The following BABAM2 variants were observed in gnomAD, a reference collection of about 807,000 sequenced individuals.
BABAM2 encodes BRISC and BRCA1 A complex member 2.
In BABAM2, 31 loss-of-function variants were observed where a neutral mutation model predicts 54.7. The ratio of observed to expected loss-of-function variants is 0.57; its 90% confidence interval spans 0.43 to 0.77. The LOEUF (loss-of-function observed/expected upper bound fraction) is 0.77. Ranked by LOEUF, BABAM2 falls within the 30% of genes least tolerant of loss-of-function variation. The probability of loss-of-function intolerance (pLI) is 0.00; values close to 1 mark genes in which losing one functional copy is unlikely to be tolerated. For synonymous variants in BABAM2, 167 were observed against 162.9 expected (o/e 1.03, Z -0.19); for missense variants, 364 against 455.8 (o/e 0.80, Z 1.83).
At chr2:27,908,886 C>T (rs1297147437) in intron 2 of BABAM2, among the ~76,000 whole-genome samples, 2 of 152,112 alleles carry the variant, frequency 1.3e-5, no homozygotes, top group Non-Finnish European at 2.9e-5. Flanking sequence ...TTCTCCACAT[C>T]CTCCTCAACA....
chr2:27,988,763 T>G (rs907827251), intron 4 of BABAM2, among the ~76,000 whole-genome samples: 4 of 152,216 alleles, frequency 2.6e-5, no homozygotes, highest in Non-Finnish European at 5.9e-5. Context: ...ACACATGCCA[T>G]TTTGTTTAAA....
In BABAM2 at chr2:28,033,728, A is replaced by C. The variant is rs143719549; in HGVS notation, c.495+8308A>C. Among the ~76,000 whole-genome samples, 939 of 152,200 alleles carry C rather than the reference A, an allele frequency of 6.2e-3. 6 individuals carry two copies. Among genetic ancestry groups the C allele is most frequent in the Non-Finnish European group, 9.4e-3 (636 of 67,982 alleles). ...ACAAAGCACAATAAGCAAATTTGTG[A>C]ATTTTATTTTGATTTGTTTTGATTT... On this transcript the variant is annotated intron_variant, in intron 5 of 11. Transcript: ENST00000379624.
At chr2:28,318,813 G>A (rs977793786) in intron 11 of BABAM2, among the ~76,000 whole-genome samples, 2 of 152,232 alleles carry the variant, frequency 1.3e-5, no homozygotes, top group African/African-American at 2.4e-5. Flanking sequence ...CAGTGGCATG[G>A]TTTGAGGTGG....
At chr2:28,040,028 A>G (rs1039098091) in intron 5 of BABAM2, among the ~76,000 whole-genome samples, 2 of 152,142 alleles carry the variant, frequency 1.3e-5, no homozygotes, top group Non-Finnish European at 1.5e-5. Flanking sequence ...GCTTACAGGA[A>G]AGATTGCTGT....
chr2:28,293,584 C>G (rs139318317), intron 10 of BABAM2, among the ~76,000 whole-genome samples: 1 of 152,298 alleles, frequency 6.6e-6, no homozygotes, highest in East Asian at 1.9e-4. Context: ...GTGAGGCAAC[C>G]GGTGCAGAGC....
At chr2:28,116,477 A>G (rs1301374205) in intron 6 of BABAM2, among the ~76,000 whole-genome samples, 5 of 152,164 alleles carry the variant, frequency 3.3e-5, no homozygotes, top group Admixed American at 2.6e-4. Context: ...GAAATAACCA[A>G]TTGCTTAGTT....
In BABAM2 at chr2:28,285,850, T is replaced by G. The variant is rs187044578; in HGVS notation, c.935-12488T>G. On this transcript the variant is annotated intron_variant, in intron 10 of 11. Coordinates refer to ENST00000379624, the MANE Select transcript of BABAM2 (RefSeq NM_199191.3). ...TCCCAAAGTGCTAGGATTACAGGCA[T>G]GAGCCACCACACCGGCTGATAAGTC... Among the ~76,000 whole-genome samples, 21 of 152,152 alleles carry G rather than the reference T, an allele frequency of 1.4e-4. No homozygotes were observed. The East Asian group carries it at 3.3e-3, about 24-fold the overall frequency.
At chr2:28,310,044 A>C in intron 11 of BABAM2, 1 of 1,595,342 alleles carries the variant, frequency 6.3e-7, no homozygotes, top group Non-Finnish European at 8.6e-7. Flanking sequence ...CCCTTTTGAA[A>C]AGTATCTTAA....
chr2:28,030,259 AT>A (rs1676196994), intron 5 of BABAM2, among the ~76,000 whole-genome samples: 1 of 152,166 alleles, frequency 6.6e-6, no homozygotes, highest in South Asian at 2.1e-4. Context: ...TATTTATAGT[AT>A]TTTTTAAACT....
intron 7 of BABAM2, among the ~76,000 whole-genome samples, chr2:28,177,496 A>G (rs1675131449): frequency 6.7e-6 from 1 of 148,470 alleles, no homozygotes; most frequent in Non-Finnish European, 1.5e-5. Flanking sequence ...AAACACACAA[A>G]TGAGGAAGGG....
chr2:28,088,060 A>G (rs1004828066), intron 6 of BABAM2, among the ~76,000 whole-genome samples: 1 of 152,260 alleles, frequency 6.6e-6, no homozygotes, highest in African/African-American at 2.4e-5. Context: ...ACTACAAAAC[A>G]GAATTTGTAC....
chr2:28,153,480 C>T lies in BABAM2; in HGVS notation c.680+24100C>T, dbSNP rs181121219. Among the ~76,000 whole-genome samples the T allele has an allele frequency of 3.2e-4, 49 of 152,316 alleles. 1 individual carries two copies. The highest frequency in any genetic ancestry group is 1.5e-5 in the Non-Finnish European group (1 of 68,026). The stretch of plus-strand genomic sequence containing the variant: ...TGGAACTAGTAGTCCAAATCTTAGC[C>T]TCTTAAGTTGCTGCTTTATAGAAAC... On this transcript the variant is annotated intron_variant, in intron 7 of 11. Coordinates refer to ENST00000379624, the MANE Select transcript of BABAM2 (RefSeq NM_199191.3).
At chr2:28,261,475 G>A (rs367970257) in intron 10 of BABAM2, among the ~76,000 whole-genome samples, 166 of 151,698 alleles carry the variant, frequency 1.1e-3, no homozygotes, top group African/African-American at 3.8e-3. Context: ...GACTACAGGC[G>A]CCCGCCACCA....
chr2:28,155,916 G>A (rs764474262), intron 7 of BABAM2, among the ~76,000 whole-genome samples: 4 of 151,990 alleles, frequency 2.6e-5, no homozygotes, highest in Non-Finnish European at 4.4e-5. Context: ...TTGCATACAC[G>A]GATAATTCAT....
intron 3 of BABAM2, among the ~76,000 whole-genome samples, chr2:27,950,074 C>T (rs1015365096): frequency 6.6e-6 from 1 of 152,128 alleles, no homozygotes; most frequent in South Asian, 2.1e-4. Flanking sequence ...TCCTAGACTT[C>T]CAGCAGGAGA....
chr2:27,892,633 CA>C (rs1664954654), intron 1 of BABAM2, among the ~76,000 whole-genome samples: 1 of 152,088 alleles, frequency 6.6e-6, no homozygotes, highest in Non-Finnish European at 1.5e-5. Flanking sequence ...AATAATTACC[CA>C]TATTATCTGC....
At chr2:27,923,051 A>G (rs1259390532) in intron 2 of BABAM2, among the ~76,000 whole-genome samples, 1 of 152,186 alleles carries the variant, frequency 6.6e-6, no homozygotes, top group African/African-American at 2.4e-5. Context: ...CAGCAGCTTC[A>G]TGGGAGACCT....
intron 10 of BABAM2, among the ~76,000 whole-genome samples, chr2:28,287,661 G>A (rs1461654473): frequency 6.6e-6 from 1 of 152,186 alleles, no homozygotes; most frequent in Non-Finnish European, 1.5e-5. Flanking sequence ...AGGCTTCCTG[G>A]AAGAAGGCGG....
chr2:28,214,357 T>C (rs1679745113), intron 7 of BABAM2, among the ~76,000 whole-genome samples: 1 of 152,194 alleles, frequency 6.6e-6, no homozygotes, highest in Non-Finnish European at 1.5e-5. Flanking sequence ...AAAAATGATA[T>C]TACATTTTTA....
Sources: gnomAD v4.1 joint callset for allele counts (sites outside exome capture counted in the v4.1 genomes callset) on GRCh38, gnomAD v4.1.1 for gene constraint, MANE v1.5 for transcripts, NCBI Gene and HGNC (gene_info 2026-07-23, HGNC 2026-07-21) for gene names.